Variants in BRSK1 observed in about 807,000 individuals in gnomAD.
The protein encoded by BRSK1 is BR serine/threonine kinase 1, also known as serine/threonine-protein kinase BRSK1.
Under a neutral mutation model 86.2 loss-of-function variants are expected in BRSK1, and 17 were observed. That is an observed-to-expected ratio of 0.20 (90% CI 0.14 to 0.30). The LOEUF (loss-of-function observed/expected upper bound fraction) is 0.30, where lower values mean the gene tolerates loss of function less well. Ranked by LOEUF, BRSK1 falls within the 10% of genes least tolerant of loss-of-function variation. BRSK1 has a pLI of 1.00. For synonymous variants in BRSK1, 464 were observed against 440.1 expected, an observed-to-expected ratio of 1.05 and a Z score of -0.68; for missense variants, 719 against 1,071.9, an observed-to-expected ratio of 0.67 and a Z score of 4.60.
intron 18 of BRSK1, 24 bp downstream of exon 18, chr19:55,308,752 TG>T (rs1292409758): frequency 1.2e-5 from 4 of 320,466 alleles, no homozygotes; most frequent in South Asian, 2.7e-5. Context: ...CCGTGGGTGG[TG>T]GGGGGCGTGG....
chr19:55,285,700 A>C (rs1350403228), intron 1 of BRSK1, among the ~76,000 whole-genome samples: 3 of 152,100 alleles, frequency 2.0e-5, no homozygotes, highest in African/African-American at 7.2e-5. Flanking sequence ...AACGCTGGCC[A>C]CCGGCCGCGG....
intron 14 of BRSK1, 144 bp from the exon 15 acceptor site, chr19:55,305,177 G>A (rs2088630770): frequency 8.0e-7 from 1 of 1,257,008 alleles, no homozygotes; most frequent in Non-Finnish European, 1.1e-6. Context: ...CCCGTGGTTT[G>A]TGAGCCCCGC....
At position 55,305,566 on chromosome 19, in the gene BRSK1, A is replaced by C; in HGVS notation, c.1870A>C (p.Ile624Leu). Residue 624 changes from isoleucine to leucine, a missense_variant, in exon 16 of 19, where the codon ATC (isoleucine) becomes CTC (leucine). By Grantham distance (5) the Ile-to-Leu change is conservative. Coordinates refer to ENST00000309383, the MANE Select transcript of BRSK1 (RefSeq NM_032430.2). Reference sequence around the variant, plus strand: ...ACCTCTCAGCAGCATCAAAGCAGACATCGTCCATGCCTTTCTGTCGGTGAG... The same window carrying C: ...ACCTCTCAGCAGCATCAAAGCAGACCTCGTCCATGCCTTTCTGTCGGTGAG... ...DKPLSSIKADIVHAFLSIPSL... is the reference protein window; with the variant it reads ...DKPLSSIKADLVHAFLSIPSL... The C allele has an allele frequency of 6.2e-7, 1 of 1,614,186 alleles. No individual in the cohort carries two copies. Among genetic ancestry groups the C allele is most frequent in the African/African-American group, 1.3e-5 (1 of 75,050 alleles).
chr19:55,289,737 T>C (rs1213253864), intron 4 of BRSK1, 117 bp downstream of exon 4: 4 of 1,333,888 alleles, frequency 3.0e-6, no homozygotes, highest in South Asian at 1.5e-5. Context: ...CTTTATCCCA[T>C]TGAGACATAA....
At chr19:55,285,318 A>C (rs1473522054) in intron 1 of BRSK1, among the ~76,000 whole-genome samples, 1 of 152,056 alleles carries the variant, frequency 6.6e-6, no homozygotes, top group African/African-American at 2.4e-5. Context: ...GTGTTGGGAC[A>C]GGGAGTTTGG....
Position 55,304,611 on chromosome 19 carries a change from T to C in BRSK1, c.1408T>C (p.Ser470Pro). 6.4e-7 allele frequency: 1 copy of C among 1,560,522 alleles called. No individual in the cohort carries two copies. Among genetic ancestry groups the C allele is most frequent in the South Asian group, 1.2e-5 (1 of 84,676 alleles). ...TGGAGATGAGGCTCGAGGCGGGGGCTCCCCGACTTCCAAAACGCAGACGCT... is the reference window on the plus strand; with the variant it reads ...TGGAGATGAGGCTCGAGGCGGGGGCCCCCCGACTTCCAAAACGCAGACGCT... ...GAGDEARGGG[S>P]PTSKTQTLPS... Residue 470 changes from serine (S) to proline (P), a missense_variant, in exon 14 of 19, where the codon TCC (serine) becomes CCC (proline). Ser to Pro is a moderately conservative substitution (Grantham distance 74). Around this residue, in one of 6 missense-constraint regions of BRSK1, gnomAD observed 143 missense variants for 120.1 expected, o/e 1.19. Transcript: ENST00000309383. The surrounding 1 kb of genome is among the most constrained non-coding windows in gnomAD (Gnocchi z 5.2).
intron 15 of BRSK1, 33 bp downstream of exon 15, chr19:55,305,402 G>A: frequency 1.2e-6 from 2 of 1,614,104 alleles, no homozygotes; most frequent in Non-Finnish European, 1.7e-6. Context: ...GAGTGGGGAT[G>A]CAGGGGATTC....
rs1309873468 is a variant in BRSK1, at chr19:55,284,503, C to A, written c.61C>A (p.His21Asn). 9.6e-7 allele frequency: 1 copy of A among 1,045,342 alleles called. No homozygotes were observed. The allele number at this position is 1,045,342 out of a possible 1,614,324, so 64.8% of individuals were successfully genotyped here. Residue 21 changes from histidine to asparagine, a missense_variant, in exon 1 of 19, where the codon CAC becomes AAC. Around this residue, in one of 6 missense-constraint regions of BRSK1, gnomAD observed 71 missense variants for 92.6 expected, o/e 0.77. Transcript: ENST00000309383. Reference sequence around the variant, plus strand: ...TCCCGCCTACCACCTCCCCCACCCCCACCCCCACCCACCCCAGCACGCCCA... The same window carrying A: ...TCCCGCCTACCACCTCCCCCACCCCAACCCCCACCCACCCCAGCACGCCCA... ...GSPAYHLPHPHPHPPQHAQYV... is the reference protein window; with the variant it reads ...GSPAYHLPHPNPHPPQHAQYV...
At position 55,302,037 on chromosome 19, in the gene BRSK1, G is replaced by A; in HGVS notation, c.826-100G>A. 1 of 1,331,506 alleles carries A rather than the reference G, an allele frequency of 7.5e-7. No individual in the cohort carries two copies. Among genetic ancestry groups the A allele is most frequent in the Non-Finnish European group, 1.1e-6 (1 of 923,694 alleles). 82.5% of individuals were successfully genotyped at this position (1,331,506 alleles called of 1,614,324 possible). A position where few individuals can be genotyped will look rare whatever the true frequency, so the allele number is the denominator to read the frequency against. On this transcript the variant is annotated intron_variant, in intron 8 of 18. Transcript: ENST00000309383. This position sits in a 1 kb window ranked among gnomAD's most constrained non-coding sequence, Gnocchi z 6.3. The stretch of plus-strand genomic sequence containing the variant: ...TCCTGCCCCCGGTGGGGTGGGCGGG[G>A]AGATGATCAGGGACCCCAAAACCAC...
In BRSK1 at chr19:55,306,346, G is replaced by C; in HGVS notation, c.1985G>C (p.Arg662Pro). 1 of 1,614,060 alleles carries C rather than the reference G, an allele frequency of 6.2e-7. No homozygotes were observed. Among genetic ancestry groups the C allele is most frequent in the Non-Finnish European group, 8.5e-7 (1 of 1,180,024 alleles). ...CCCTCCGTCTTCCAAAAGCCCGTCC[G>C]CTTCCAGGTGGACATCAGCTCCTCT... ...GGPSVFQKPVRFQVDISSSEG... is the reference protein window; with the variant it reads ...GGPSVFQKPVPFQVDISSSEG... Residue 662 changes from arginine (R) to proline (P), a missense_variant, in exon 17 of 19, where the codon CGC (arginine) becomes CCC (proline). Transcript: ENST00000309383. This position sits in a 1 kb window ranked among gnomAD's most constrained non-coding sequence, Gnocchi z 4.7.
chr19:55,284,638 C>A (rs922670787), intron 1 of BRSK1, 60 bp downstream of exon 1: 5 of 1,248,646 alleles, frequency 4.0e-6, no homozygotes, highest in South Asian at 6.6e-5. Context: ...GCGGCAGAGG[C>A]GGGACTCAGG....
chr19:55,305,407 G>C, intron 15 of BRSK1, 38 bp downstream of exon 15: 1 of 1,613,992 alleles, frequency 6.2e-7, no homozygotes, highest in Non-Finnish European at 8.5e-7. Context: ...GGGATGCAGG[G>C]GATTCATGCC....
chr19:55,305,201 C>A, intron 14 of BRSK1, 120 bp from the exon 15 acceptor site: 1 of 1,385,638 alleles, frequency 7.2e-7, no homozygotes, highest in East Asian at 2.5e-5. Context: ...GGAGGGATGG[C>A]TTGGCCGAGG....
Position 55,303,979 on chromosome 19 carries a change from G to A in BRSK1, c.1287-71G>A. 1.9e-6 allele frequency: 3 copies of A among 1,545,374 alleles called. No homozygotes were observed. Among genetic ancestry groups the A allele is most frequent in the Non-Finnish European group, 2.6e-6 (3 of 1,144,328 alleles). ...TTCCTCACCTGGAAGGACTGTAGAA[G>A]TGAGGGAACATCTGTGGTTTTTGAA... On this transcript the variant is annotated intron_variant, in intron 12 of 18. Transcript: ENST00000309383. This position sits in a 1 kb window ranked among gnomAD's most constrained non-coding sequence, Gnocchi z 5.1.
At chr19:55,285,469 G>A (rs1290887754) in intron 1 of BRSK1, among the ~76,000 whole-genome samples, 1 of 152,146 alleles carries the variant, frequency 6.6e-6, no homozygotes, top group Admixed American at 6.5e-5. Context: ...GGGGTGCAGT[G>A]CATCCATCCT....
chr19:55,312,533 CAA>C lies in BRSK1; in HGVS notation c.*493_*494del, dbSNP rs372052269. ...TCCGTGTCTCTGATTCCGCCGGCGG[CAA>C]AAAAAAAAAAAAAAAAAAAAAAAAA... On this transcript the variant is annotated 3_prime_UTR_variant, in exon 19 of 19. Transcript: ENST00000309383. 13 of 25,746 alleles carry C rather than the reference CAA, an allele frequency of 5.0e-4. No individual in the cohort carries two copies. Among genetic ancestry groups the C allele is most frequent in the African/African-American group, 2.1e-3 (12 of 5,648 alleles). 1.6% of individuals were successfully genotyped at this position (25,746 alleles called of 1,614,324 possible).
In BRSK1 at chr19:55,304,258, A is replaced by G; in HGVS notation, c.1347+148A>G. 1 of 886,324 alleles carries G rather than the reference A, an allele frequency of 1.1e-6. No individual in the cohort carries two copies. Among genetic ancestry groups the G allele is most frequent in the Non-Finnish European group, 1.7e-6 (1 of 594,656 alleles). The allele number at this position is 886,324 out of a possible 1,614,324, so 54.9% of individuals were successfully genotyped here. A position where few individuals can be genotyped will look rare whatever the true frequency, so the allele number is the denominator to read the frequency against. ...GCCAAAGACCCAAGGCCTCCAAAGT[A>G]TTTTGGTCCATTGGCCATTTCTACC... On this transcript the variant is annotated intron_variant, in intron 13 of 18. Coordinates refer to ENST00000309383, the MANE Select transcript of BRSK1 (RefSeq NM_032430.2). The surrounding 1 kb of genome is among the most constrained non-coding windows in gnomAD (Gnocchi z 5.2).
intron 17 of BRSK1, among the ~76,000 whole-genome samples, chr19:55,307,735 CA>C (rs1486396933): frequency 2.6e-5 from 3 of 117,112 alleles, no homozygotes; most frequent in Admixed American, 1.9e-4. Context: ...ACAAAACAAA[CA>C]AAAAAATTTA....
chr19:55,284,370 C>T lies in BRSK1; in HGVS notation c.-73C>T. The T allele has an allele frequency of 2.1e-6, 2 of 954,414 alleles. No homozygotes were observed. The highest frequency in any genetic ancestry group is 2.7e-6 in the Non-Finnish European group (2 of 741,230). 59.1% of individuals were successfully genotyped at this position (954,414 alleles called of 1,614,324 possible). ...GGCCGGGACGGAGCGGTCGCCGGCC[C>T]CCACCGGAGAGACGGGGCGACGGCC... On this transcript the variant is annotated 5_prime_UTR_variant, in exon 1 of 19. Coordinates refer to ENST00000309383, the MANE Select transcript of BRSK1 (RefSeq NM_032430.2).
Sources: gnomAD v4.1 joint callset for allele counts (sites outside exome capture counted in the v4.1 genomes callset) on GRCh38, gnomAD v4.1.1 for gene constraint, gnomAD v4.1.1 regional missense constraint, Gnocchi (gnomAD v3.1) non-coding constraint, MANE v1.5 for transcripts, NCBI Gene and HGNC (gene_info 2026-07-23, HGNC 2026-07-21) for gene names.